MOSMO: variants seen among roughly 807,000 people sequenced by gnomAD.
MOSMO encodes the protein modulator of smoothened protein.
MOSMO carries 5 observed loss-of-function variants against 18.4 expected under a neutral mutation model. The observed-to-expected ratio is 0.27, with a 90% CI of 0.14 to 0.57. The LOEUF (loss-of-function observed/expected upper bound fraction) is 0.57. Ranked by LOEUF, MOSMO falls within the 20% of genes least tolerant of loss-of-function variation. The probability of loss-of-function intolerance (pLI) is 0.92; values close to 1 mark genes in which losing one functional copy is unlikely to be tolerated. For synonymous variants in MOSMO, 82 were observed against 82.3 expected (o/e 1.00, Z 0.02); for missense variants, 138 against 211.8 (o/e 0.65, Z 2.16).
At position 22,075,483 on chromosome 16, in the gene MOSMO, C is replaced by T; in HGVS notation, c.107-4C>T. The T allele has an allele frequency of 7.9e-7, 1 of 1,261,640 alleles. No homozygotes were observed. Among genetic ancestry groups the T allele is most frequent in the Non-Finnish European group, 1.0e-6 (1 of 982,058 alleles). The allele number at this position is 1,261,640 out of a possible 1,614,324, so 78.2% of individuals were successfully genotyped here. On this transcript the variant is annotated splice_polypyrimidine_tract_variant and splice_region_variant and intron_variant, in intron 1 of 2. Transcript: ENST00000542527. ...AAGTATTCCCACCATTTGCATCTCC[C>T]CAGGAGCACTCACTGTGGGCCTCGT... is the stretch of plus-strand genomic sequence containing the variant.
At chr16:22,015,668 C>T (rs1453556956) in intron 1 of MOSMO, among the ~76,000 whole-genome samples, 1 of 152,150 alleles carries the variant, frequency 6.6e-6, no homozygotes, top group Non-Finnish European at 1.5e-5. Context: ...ATTTATGATA[C>T]TGTGAATTCC....
downstream of MOSMO, among the ~76,000 whole-genome samples, chr16:22,091,310 C>T (rs1464471833): frequency 6.6e-6 from 1 of 152,172 alleles, no homozygotes; most frequent in Non-Finnish European, 1.5e-5. Context: ...TGTTTCTGAC[C>T]TGGCCTATAG....
chr16:22,064,697 G>A (rs894494245), intron 1 of MOSMO, among the ~76,000 whole-genome samples: 16 of 152,114 alleles, frequency 1.1e-4, no homozygotes, highest in African/African-American at 1.7e-4. Flanking sequence ...GTGTAATATC[G>A]TATAAACATT....
chr16:22,079,891 C>T (rs977341520), intron 2 of MOSMO, among the ~76,000 whole-genome samples: 1 of 152,206 alleles, frequency 6.6e-6, no homozygotes, highest in Admixed American at 6.5e-5. Flanking sequence ...TCAAGTGATT[C>T]TCCTGCCTCA....
At chr16:22,057,373 C>A (rs1461550206) in intron 1 of MOSMO, among the ~76,000 whole-genome samples, 1 of 152,224 alleles carries the variant, frequency 6.6e-6, no homozygotes, top group Non-Finnish European at 1.5e-5. Context: ...AATTCATTCT[C>A]ACAAGCTCTT....
chr16:22,087,530 AC>A (rs1292928713), downstream of MOSMO: 1 of 152,268 alleles, frequency 6.6e-6, no homozygotes, highest in East Asian at 1.9e-4. Flanking sequence ...AAATATGAAA[AC>A]TCACTCTTTT....
intron 2 of MOSMO, among the ~76,000 whole-genome samples, chr16:22,077,143 G>A (rs1024522109): frequency 2.6e-5 from 4 of 152,130 alleles, no homozygotes; most frequent in African/African-American, 9.7e-5. Flanking sequence ...TATCAAAGAA[G>A]GATTTAGTTT....
chr16:22,051,658 A>G (rs1413600354), intron 1 of MOSMO, among the ~76,000 whole-genome samples: 1 of 152,186 alleles, frequency 6.6e-6, no homozygotes, highest in Non-Finnish European at 1.5e-5. Flanking sequence ...AATAAGCATA[A>G]GTGATTCACT....
chr16:22,016,424 C>T (rs1424688275), intron 1 of MOSMO, among the ~76,000 whole-genome samples: 1 of 152,112 alleles, frequency 6.6e-6, no homozygotes, highest in African/African-American at 2.4e-5. Flanking sequence ...TTTACTTATA[C>T]CTGCCTTGTT....
intron 1 of MOSMO, among the ~76,000 whole-genome samples, chr16:22,018,761 G>A (rs1278543886): frequency 1.3e-5 from 2 of 152,134 alleles, no homozygotes; most frequent in Non-Finnish European, 2.9e-5. Flanking sequence ...CATAGGATCA[G>A]GCAATCAGAG....
At chr16:22,049,471 A>T (rs1473169170) in intron 1 of MOSMO, among the ~76,000 whole-genome samples, 1 of 152,110 alleles carries the variant, frequency 6.6e-6, no homozygotes, top group Non-Finnish European at 1.5e-5. Context: ...TTAAAAATGT[A>T]TATACTTTTG....
At chr16:22,021,087 T>A (rs1899752883) in intron 1 of MOSMO, among the ~76,000 whole-genome samples, 1 of 152,130 alleles carries the variant, frequency 6.6e-6, no homozygotes, top group Non-Finnish European at 1.5e-5. Context: ...GGTGAGGAAC[T>A]TGTAATGGGT....
At chr16:22,060,406 A>G (rs1325551718) in intron 1 of MOSMO, among the ~76,000 whole-genome samples, 1 of 152,228 alleles carries the variant, frequency 6.6e-6, no homozygotes, top group Admixed American at 6.5e-5. Flanking sequence ...AAGTAAATAC[A>G]TGAACATATG....
chr16:22,012,948 T>C (rs970754379), intron 1 of MOSMO, among the ~76,000 whole-genome samples: 1 of 152,182 alleles, frequency 6.6e-6, no homozygotes, highest in Non-Finnish European at 1.5e-5. Flanking sequence ...GCACAAACTT[T>C]TGAAGATCTG....
rs141460971 is a variant in MOSMO, at chr16:22,039,216, G to A, written c.106+30809G>A. ...TAAATGGACAAGTGAACTCCTTAAC[G>A]CATAGTTTGGGATACATGATACATG... On this transcript the variant is annotated intron_variant, in intron 1 of 2. Coordinates refer to ENST00000542527, the MANE Select transcript of MOSMO (RefSeq NM_001164579.2). 8.0e-4 allele frequency among the ~76,000 whole-genome samples: 121 copies of A among 152,194 alleles called. 1 individual carries two copies. The East Asian group carries it at 0.019, about 24-fold the overall frequency.
At chr16:22,073,205 C>A (rs948837481) in intron 1 of MOSMO, among the ~76,000 whole-genome samples, 1 of 151,950 alleles carries the variant, frequency 6.6e-6, no homozygotes, top group African/African-American at 2.4e-5. Context: ...ATGTACTGAA[C>A]CTACAATTTT....
chr16:22,088,650 A>G (rs1901234025), downstream of MOSMO, among the ~76,000 whole-genome samples: 1 of 152,220 alleles, frequency 6.6e-6, no homozygotes, highest in Non-Finnish European at 1.5e-5. Context: ...TTCATGTGTT[A>G]TGTGCTTTCC....
intron 1 of MOSMO, among the ~76,000 whole-genome samples, chr16:22,061,008 G>A (rs181536975): frequency 7.9e-5 from 12 of 152,182 alleles, no homozygotes; most frequent in East Asian, 1.9e-4. Flanking sequence ...AAATGAAAAC[G>A]GGTCTTTACA....
chr16:22,025,042 A>G (rs1899848339), intron 1 of MOSMO, among the ~76,000 whole-genome samples: 1 of 151,282 alleles, frequency 6.6e-6, no homozygotes, highest in Admixed American at 6.6e-5. Context: ...AGTCCTAGCT[A>G]CTCGGGAGGC....
Sources: gnomAD v4.1 joint callset for allele counts (sites outside exome capture counted in the v4.1 genomes callset) on GRCh38, gnomAD v4.1.1 for gene constraint, MANE v1.5 for transcripts, NCBI Gene and HGNC (gene_info 2026-07-23, HGNC 2026-07-21) for gene names.